EPHX1: variants seen among roughly 807,000 people sequenced by gnomAD.
The protein encoded by EPHX1 is epoxide hydratase.
In EPHX1, 40 loss-of-function variants were observed where a neutral mutation model predicts 43.2. The observed-to-expected ratio is 0.93, with a 90% CI of 0.72 to 1.21. The LOEUF (loss-of-function observed/expected upper bound fraction) is 1.21, where lower values mean the gene tolerates loss of function less well. Ranked by LOEUF, EPHX1 falls within the 50% of genes most tolerant of loss-of-function variation. EPHX1 has a pLI of 0.00. For missense variants in EPHX1, 550 were observed against 570.4 expected (o/e 0.96, Z 0.36); for synonymous variants, 221 against 226.7 (o/e 0.98, Z 0.22).
chr1:225,827,785 G>A (rs180842005), intron 1 of EPHX1, among the ~76,000 whole-genome samples: 2 of 152,338 alleles, frequency 1.3e-5, no homozygotes, highest in African/African-American at 4.8e-5. Flanking sequence ...TGGGCGAATT[G>A]TATGGTATAT....
chr1:225,831,179 T>C (rs1251737088), intron 2 of EPHX1, among the ~76,000 whole-genome samples: 1 of 152,214 alleles, frequency 6.6e-6, no homozygotes, highest in African/African-American at 2.4e-5. Flanking sequence ...TCTGGCCCTT[T>C]ACAGAAAAAG....
chr1:225,814,204 A>T (rs994172072), intron 1 of EPHX1, among the ~76,000 whole-genome samples: 2 of 152,088 alleles, frequency 1.3e-5, no homozygotes, highest in Non-Finnish European at 2.9e-5. Flanking sequence ...GAGTTCTGAG[A>T]CCAGCCTGGG....
intron 6 of EPHX1, among the ~76,000 whole-genome samples, chr1:225,841,664 C>T (rs1286015083): frequency 5.5e-5 from 7 of 128,132 alleles, no homozygotes; most frequent in Non-Finnish European, 9.8e-5. Flanking sequence ...TGCAGTGGTA[C>T]GATCTCGGCT....
intron 7 of EPHX1, among the ~76,000 whole-genome samples, chr1:225,843,995 G>A (rs1030821053): frequency 6.6e-6 from 1 of 152,182 alleles, no homozygotes; most frequent in East Asian, 1.9e-4. Flanking sequence ...TGGAAGGTGG[G>A]GTGGGGGCTG....
At chr1:225,821,152 G>A (rs906599237) in intron 1 of EPHX1, among the ~76,000 whole-genome samples, 1 of 152,232 alleles carries the variant, frequency 6.6e-6, no homozygotes, top group South Asian at 2.1e-4. Flanking sequence ...ACTTGACTTA[G>A]TGACATCACT....
intron 1 of EPHX1, among the ~76,000 whole-genome samples, chr1:225,827,215 A>T (rs1469434659): frequency 2.6e-5 from 4 of 152,164 alleles, no homozygotes; most frequent in African/African-American, 7.2e-5. Flanking sequence ...TGGGGTTCCC[A>T]GCAGGGACCA....
At chr1:225,831,581 G>A (rs1369331134) in intron 2 of EPHX1, among the ~76,000 whole-genome samples, 198 bp from the exon 3 acceptor site, 5 of 151,586 alleles carry the variant, frequency 3.3e-5, no homozygotes, top group African/African-American at 1.2e-4. Context: ...AAAGAAATGC[G>A]AAGTCTACAG....
intron 4 of EPHX1, 100 bp from the exon 5 acceptor site, chr1:225,839,116 TG>T: frequency 1.3e-6 from 2 of 1,582,310 alleles, no homozygotes; most frequent in Non-Finnish European, 8.6e-7. Context: ...GACCTCCACC[TG>T]GGGGTAGGCG....
intron 5 of EPHX1, 100 bp from the exon 6 acceptor site, chr1:225,839,729 C>A: frequency 7.7e-7 from 1 of 1,293,722 alleles, no homozygotes; most frequent in Non-Finnish European, 1.1e-6. Context: ...TGGCTCTGTG[C>A]TCGCTCCTCA....
chr1:225,819,069 T>G (rs1419707385), intron 1 of EPHX1, among the ~76,000 whole-genome samples: 4 of 50,154 alleles, frequency 8.0e-5, no homozygotes, highest in Non-Finnish European at 1.3e-4. Flanking sequence ...CTGCTAAAAA[T>G]ACAAAAAATT....
At chr1:225,842,024 A>G (rs987606670) in intron 6 of EPHX1, among the ~76,000 whole-genome samples, 2 of 152,234 alleles carry the variant, frequency 1.3e-5, no homozygotes, top group African/African-American at 4.8e-5. Flanking sequence ...ATCAGAGCAC[A>G]TAGACTGAAA....
chr1:225,844,096 T>C (rs1668681706), intron 7 of EPHX1, among the ~76,000 whole-genome samples: 1 of 152,118 alleles, frequency 6.6e-6, no homozygotes, highest in South Asian at 2.1e-4. Flanking sequence ...TCCCATAGGC[T>C]GTTGAGAGGA....
intron 7 of EPHX1, among the ~76,000 whole-genome samples, chr1:225,843,763 C>T (rs1668643946): frequency 6.6e-6 from 1 of 152,166 alleles, no homozygotes; most frequent in Non-Finnish European, 1.5e-5. Flanking sequence ...GCGGGCAGAG[C>T]TGAAAGGGAG....
chr1:225,844,267 G>T (rs1668707230), intron 7 of EPHX1, among the ~76,000 whole-genome samples: 1 of 151,686 alleles, frequency 6.6e-6, no homozygotes, highest in African/African-American at 2.4e-5. Context: ...GGCAAGGTGG[G>T]TGGGGGGAGG....
At chr1:225,811,939 T>C (rs1413493565) in intron 1 of EPHX1, among the ~76,000 whole-genome samples, 1 of 152,154 alleles carries the variant, frequency 6.6e-6, no homozygotes, top group East Asian at 1.9e-4. Flanking sequence ...TAAAGTATGT[T>C]AGAAGATGAT....
intron 1 of EPHX1, among the ~76,000 whole-genome samples, chr1:225,823,812 C>T (rs544621202): frequency 1.4e-4 from 21 of 152,348 alleles, no homozygotes; most frequent in African/African-American, 4.3e-4. Flanking sequence ...AGCCCAACCC[C>T]AAGAAGTCCA....
At chr1:225,836,213 C>T (rs1434084058) in intron 3 of EPHX1, among the ~76,000 whole-genome samples, 1 of 152,112 alleles carries the variant, frequency 6.6e-6, no homozygotes, top group African/African-American at 2.4e-5. Context: ...GATCCTGGAA[C>T]AGAAAATGGA....
chr1:225,832,021 A>G (rs1559021407), intron 3 of EPHX1, 62 bp downstream of exon 3: 3 of 1,544,988 alleles, frequency 1.9e-6, no homozygotes, highest in Non-Finnish European at 2.7e-6. Context: ...TTCTTCCACA[A>G]TGTGACTTAC....
chr1:225,820,234 G>A (rs182789456), intron 1 of EPHX1, among the ~76,000 whole-genome samples: 98 of 152,254 alleles, frequency 6.4e-4, no homozygotes, highest in African/African-American at 2.3e-3. Context: ...GAGTAGCTGG[G>A]ATTACAGGCA....
Sources: gnomAD v4.1 joint callset for allele counts (sites outside exome capture counted in the v4.1 genomes callset) on GRCh38, gnomAD v4.1.1 for gene constraint, MANE v1.5 for transcripts, NCBI Gene and HGNC (gene_info 2026-07-23, HGNC 2026-07-21) for gene names.